Variants in CTNND2 observed in about 807,000 individuals in gnomAD.
The protein encoded by CTNND2 is catenin delta-2.
A neutral mutation model predicts 144.4 loss-of-function variants in CTNND2; 22 were observed. The observed-to-expected ratio is 0.15, with a 90% CI of 0.11 to 0.22. The LOEUF is 0.22. Ranked by LOEUF, CTNND2 falls within the 10% of genes least tolerant of loss-of-function variation. CTNND2 has a pLI of 1.00. For missense variants in CTNND2, 1,353 were observed against 1,618.8 expected (o/e 0.84, Z 2.82); for synonymous variants, 751 against 695.6 (o/e 1.08, Z -1.25).
At chr5:11,385,375 G>T in intron 6 of CTNND2, 146 bp from the exon 7 acceptor site, 1 of 401,284 alleles carries the variant, frequency 2.5e-6, no homozygotes, top group Non-Finnish European at 3.4e-6. Context: ...GCTCGGGGCA[G>T]TACGCGAACC....
chr5:11,269,913 C>T (rs921107326), intron 9 of CTNND2, among the ~76,000 whole-genome samples: 16 of 152,114 alleles, frequency 1.1e-4, no homozygotes, highest in African/African-American at 3.6e-4. Flanking sequence ...GAAAAAAACA[C>T]GGAGCCTTGA....
intron 1 of CTNND2, among the ~76,000 whole-genome samples, chr5:11,858,505 C>T (rs1424096170): frequency 1.3e-5 from 2 of 152,198 alleles, no homozygotes; most frequent in Non-Finnish European, 2.9e-5. Flanking sequence ...CTTTTACCAA[C>T]TATATTGCTC....
At chr5:11,646,651 T>A (rs1337232285) in intron 2 of CTNND2, among the ~76,000 whole-genome samples, 6 of 151,602 alleles carry the variant, frequency 4.0e-5, no homozygotes, top group South Asian at 2.1e-4. Context: ...TAAATTTCGT[T>A]TACTTGATAT....
intron 14 of CTNND2, among the ~76,000 whole-genome samples, chr5:11,103,055 C>T (rs1293864446): frequency 1.5e-5 from 2 of 136,548 alleles, no homozygotes; most frequent in East Asian, 2.3e-4. Context: ...AATCTTGGCT[C>T]ACTGCAACCT....
intron 18 of CTNND2, among the ~76,000 whole-genome samples, chr5:11,000,735 G>T (rs1163155755): frequency 6.6e-6 from 1 of 152,154 alleles, no homozygotes; most frequent in Non-Finnish European, 1.5e-5. Flanking sequence ...CACAATTACT[G>T]GTAAGCTCCA....
At chr5:11,741,818 T>C (rs1581806357) in intron 1 of CTNND2, among the ~76,000 whole-genome samples, 1 of 148,200 alleles carries the variant, frequency 6.7e-6, no homozygotes, top group African/African-American at 2.5e-5. Context: ...ATAGTATATA[T>C]GTATATATAG....
chr5:11,446,014 C>T (rs1764768545), intron 3 of CTNND2, among the ~76,000 whole-genome samples: 1 of 152,174 alleles, frequency 6.6e-6, no homozygotes. Flanking sequence ...CTCTGTCACC[C>T]AGGGTGGAGT....
At chr5:11,333,905 A>T (rs542811701) in intron 9 of CTNND2, among the ~76,000 whole-genome samples, 2 of 152,296 alleles carry the variant, frequency 1.3e-5, no homozygotes, top group South Asian at 4.1e-4. Flanking sequence ...GCTCTGCTTC[A>T]TTTCGGGCGG....
chr5:11,769,207 G>A (rs537679703), intron 1 of CTNND2, among the ~76,000 whole-genome samples: 99 of 152,230 alleles, frequency 6.5e-4, no homozygotes, highest in Non-Finnish European at 1.1e-3. Flanking sequence ...TGAAAACCCA[G>A]ACACAGAAAC....
At chr5:11,725,761 C>T (rs1786982444) in intron 2 of CTNND2, among the ~76,000 whole-genome samples, 2 of 152,066 alleles carry the variant, frequency 1.3e-5, no homozygotes, top group Admixed American at 6.5e-5. Flanking sequence ...ACATGTTTTA[C>T]AAAAATATGT....
chr5:11,604,406 C>T (rs1424876562), intron 2 of CTNND2, among the ~76,000 whole-genome samples: 3 of 152,162 alleles, frequency 2.0e-5, no homozygotes, highest in African/African-American at 7.2e-5. Context: ...AAGGAAAGCA[C>T]TATTGATCTC....
At chr5:11,043,026 C>T (rs1744845413) in intron 16 of CTNND2, among the ~76,000 whole-genome samples, 1 of 151,730 alleles carries the variant, frequency 6.6e-6, no homozygotes, top group Non-Finnish European at 1.5e-5. Flanking sequence ...CTTGTCTTCA[C>T]TTCGAGATTG....
chr5:11,233,716 CTG>C (rs3033106), intron 10 of CTNND2, among the ~76,000 whole-genome samples: 82,376 of 148,058 alleles, frequency 0.56, 22,624 homozygotes, highest in East Asian at 0.66. Context: ...GTTTACGTGT[CTG>C]TGTGTGTGTG....
At chr5:11,701,270 A>G (rs1561708693) in intron 2 of CTNND2, among the ~76,000 whole-genome samples, 2 of 152,150 alleles carry the variant, frequency 1.3e-5, no homozygotes, top group Non-Finnish European at 2.9e-5. Flanking sequence ...GCACTACCCC[A>G]TCAGCAAGGG....
intron 2 of CTNND2, among the ~76,000 whole-genome samples, chr5:11,647,927 C>G (rs1782446524): frequency 6.6e-6 from 1 of 152,170 alleles, no homozygotes; most frequent in Admixed American, 6.5e-5. Context: ...TAGTCATGTT[C>G]ACGGACAGAG....
At chr5:11,156,678 CA>C (rs1208651500) in intron 12 of CTNND2, among the ~76,000 whole-genome samples, 1 of 152,058 alleles carries the variant, frequency 6.6e-6, no homozygotes, top group African/African-American at 2.4e-5. Flanking sequence ...TTTTAAAACA[CA>C]AAAAGGCACC....
chr5:11,092,709 C>T (rs1036621546), intron 15 of CTNND2, among the ~76,000 whole-genome samples: 9 of 152,214 alleles, frequency 5.9e-5, no homozygotes, highest in African/African-American at 9.6e-5. Context: ...TGATGAGGCA[C>T]GATGCTTCGC....
intron 1 of CTNND2, among the ~76,000 whole-genome samples, chr5:11,758,292 G>A (rs1789063397): frequency 6.6e-6 from 1 of 151,706 alleles, no homozygotes; most frequent in Non-Finnish European, 1.5e-5. Context: ...TATATTTATG[G>A]TGTGGAATAA....
rs3033106 is a variant in CTNND2, at chr5:11,233,716, C to CTGTGTGTGTGTG, written c.1761+2963_1761+2974dup. ...AGAATCCTTATTAGAGTTTACGTGT[C>CTGTGTGTGTGTG]TGTGTGTGTGTGTGTGTGTGTGTGT... On this transcript the variant is annotated intron_variant, in intron 10 of 21. Coordinates refer to ENST00000304623, the MANE Select transcript of CTNND2 (RefSeq NM_001332.4). 3.2e-3 allele frequency among the ~76,000 whole-genome samples: 476 copies of CTGTGTGTGTGTG among 148,328 alleles called. 3 individuals are homozygous for CTGTGTGTGTGTG. The highest frequency in any genetic ancestry group is 0.011 in the African/African-American group (432 of 40,252).
Sources: gnomAD v4.1 joint callset for allele counts (sites outside exome capture counted in the v4.1 genomes callset) on GRCh38, gnomAD v4.1.1 for gene constraint, MANE v1.5 for transcripts, NCBI Gene and HGNC (gene_info 2026-07-23, HGNC 2026-07-21) for gene names.